PTPRD: variants seen among roughly 807,000 people sequenced by gnomAD.
PTPRD encodes receptor-type tyrosine-protein phosphatase delta.
In PTPRD, 34 loss-of-function variants were observed where a neutral mutation model predicts 214.5. That is an observed-to-expected ratio of 0.16 (90% CI 0.12 to 0.21). The LOEUF (loss-of-function observed/expected upper bound fraction) is 0.21, where lower values mean the gene tolerates loss of function less well. Among genes scored for constraint, PTPRD ranks in the 10% least tolerant of loss-of-function variants. The pLI is 1.00. For synonymous variants in PTPRD, 1,128 were observed against 845.7 expected (o/e 1.33, Z -5.79); for missense variants, 2,545 against 2,398.7 (o/e 1.06, Z -1.27).
chr9:8,787,700 T>C lies in PTPRD; in HGVS notation c.-103-53754A>G, dbSNP rs569251655. Among the ~76,000 whole-genome samples the C allele has an allele frequency of 4.0e-5, 6 of 151,868 alleles. No homozygotes were observed. The South Asian group carries it at 8.3e-4, about 21-fold the overall frequency. ...TGACAGGAGGGGAAGGAAGGAGAGA[T>C]GGGACAGGACAGGAAGACAGGAGAG... On this transcript the variant is annotated intron_variant, in intron 11 of 45. Coordinates refer to ENST00000381196, the MANE Select transcript of PTPRD (RefSeq NM_002839.4).
intron 39 of PTPRD, among the ~76,000 whole-genome samples, chr9:8,374,382 C>A (rs898224285): frequency 6.6e-6 from 1 of 151,806 alleles, no homozygotes; most frequent in African/African-American, 2.4e-5. Context: ...CAAACTAGCA[C>A]CTGAATTAAA....
At chr9:10,330,880 G>C (rs2096736990) in intron 3 of PTPRD, among the ~76,000 whole-genome samples, 1 of 151,774 alleles carries the variant, frequency 6.6e-6, no homozygotes, top group South Asian at 2.1e-4. Context: ...TGGCTCACTG[G>C]TAAAGTTAGC....
At chr9:9,871,801 C>G (rs934560767) in intron 5 of PTPRD, among the ~76,000 whole-genome samples, 1 of 152,116 alleles carries the variant, frequency 6.6e-6, no homozygotes, top group African/African-American at 2.4e-5. Flanking sequence ...CCTCCTTAGG[C>G]CCTAAGATTA....
At chr9:8,984,122 G>C (rs187317233) in intron 11 of PTPRD, among the ~76,000 whole-genome samples, 1 of 152,060 alleles carries the variant, frequency 6.6e-6, no homozygotes, top group East Asian at 1.9e-4. Flanking sequence ...TATTTTTTAA[G>C]TCCTAATTGC....
intron 8 of PTPRD, among the ~76,000 whole-genome samples, chr9:9,413,883 C>G (rs1409890263): frequency 2.0e-5 from 3 of 152,098 alleles, no homozygotes; most frequent in African/African-American, 7.2e-5. Context: ...GTGAGTTTGC[C>G]CTTTACATGT....
intron 2 of PTPRD, among the ~76,000 whole-genome samples, chr9:10,436,839 C>T (rs148824117): frequency 1.1e-4 from 17 of 151,804 alleles, no homozygotes; most frequent in East Asian, 7.8e-4. Flanking sequence ...GGAGAACTAA[C>T]GCCTGAGGCT....
chr9:10,358,510 C>T (rs2097317899), intron 2 of PTPRD, among the ~76,000 whole-genome samples: 1 of 151,716 alleles, frequency 6.6e-6, no homozygotes, highest in South Asian at 2.1e-4. Context: ...ATTTATGAAA[C>T]TTTTTTATTA....
intron 3 of PTPRD, among the ~76,000 whole-genome samples, chr9:10,309,032 C>G (rs1396249020): frequency 6.6e-6 from 1 of 151,818 alleles, no homozygotes; most frequent in Non-Finnish European, 1.5e-5. Flanking sequence ...TATATAAAGC[C>G]AAATTTTTCT....
At chr9:9,590,402 G>A (rs1012377509) in intron 7 of PTPRD, among the ~76,000 whole-genome samples, 2 of 151,884 alleles carry the variant, frequency 1.3e-5, no homozygotes, top group Non-Finnish European at 2.9e-5. Context: ...GTTCAACCTT[G>A]AAAATGAAGG....
chr9:8,782,262 G>C (rs773872202), intron 11 of PTPRD, among the ~76,000 whole-genome samples: 24 of 151,820 alleles, frequency 1.6e-4, no homozygotes, highest in Admixed American at 5.2e-4. Flanking sequence ...CTCACTTTTT[G>C]CGGTGAAAAT....
intron 34 of PTPRD, among the ~76,000 whole-genome samples, chr9:8,444,560 G>C (rs2095655580): frequency 6.6e-6 from 1 of 151,978 alleles, no homozygotes. Context: ...AAAAGTGGTG[G>C]AATGAAGAGT....
At chr9:9,060,670 A>G (rs2099705475) in intron 10 of PTPRD, among the ~76,000 whole-genome samples, 1 of 152,026 alleles carries the variant, frequency 6.6e-6, no homozygotes, top group African/African-American at 2.4e-5. Flanking sequence ...TCCAATAGAA[A>G]AAAAAGAGCA....
intron 37 of PTPRD, among the ~76,000 whole-genome samples, chr9:8,382,923 C>T (rs1276467382): frequency 2.6e-5 from 4 of 152,152 alleles, no homozygotes; most frequent in Non-Finnish European, 5.9e-5. Context: ...GAAAAGGACA[C>T]AAACCTGGCA....
intron 2 of PTPRD, among the ~76,000 whole-genome samples, chr9:10,433,370 A>G (rs1404861977): frequency 6.6e-6 from 1 of 151,998 alleles, no homozygotes; most frequent in Non-Finnish European, 1.5e-5. Flanking sequence ...CAGTTTTGCT[A>G]ATCGAGGTAT....
intron 2 of PTPRD, among the ~76,000 whole-genome samples, chr9:10,436,198 G>C (rs1003886179): frequency 2.0e-5 from 3 of 151,798 alleles, no homozygotes; most frequent in Non-Finnish European, 4.4e-5. Flanking sequence ...TGAAAAGACA[G>C]TGTTTACAAT....
At chr9:9,410,465 T>TC (rs1398627492) in intron 8 of PTPRD, among the ~76,000 whole-genome samples, 1 of 152,160 alleles carries the variant, frequency 6.6e-6, no homozygotes, top group Non-Finnish European at 1.5e-5. Flanking sequence ...TGTCTCCCTT[T>TC]CCCCACACAG....
At chr9:9,235,887 T>A (rs1416303789) in intron 9 of PTPRD, among the ~76,000 whole-genome samples, 3 of 152,188 alleles carry the variant, frequency 2.0e-5, no homozygotes, top group Non-Finnish European at 4.4e-5. Flanking sequence ...GCCATGATAT[T>A]CTAAACATGG....
intron 3 of PTPRD, among the ~76,000 whole-genome samples, chr9:10,238,904 G>C (rs2099637759): frequency 1.3e-5 from 2 of 151,922 alleles, no homozygotes; most frequent in South Asian, 4.1e-4. Flanking sequence ...CTGGGAGGCA[G>C]TATGTTTTGT....
At chr9:10,198,756 G>T (rs1191987252) in intron 3 of PTPRD, among the ~76,000 whole-genome samples, 1 of 152,016 alleles carries the variant, frequency 6.6e-6, no homozygotes, top group African/African-American at 2.4e-5. Flanking sequence ...ATAGAAAAAT[G>T]AATCCATTAT....
Sources: allele counts gnomAD v4.1 joint callset (sites outside exome capture counted in the v4.1 genomes callset), GRCh38; gene constraint gnomAD v4.1.1; transcripts MANE v1.5; gene names NCBI Gene and HGNC (gene_info 2026-07-23, HGNC 2026-07-21).